ASIC2: variants seen among roughly 807,000 people sequenced by gnomAD.
The protein encoded by ASIC2 is acid-sensing ion channel 2.
In ASIC2, 25 loss-of-function variants were observed where a neutral mutation model predicts 57.3. The observed-to-expected ratio is 0.44, with a 90% CI of 0.32 to 0.61. The LOEUF (loss-of-function observed/expected upper bound fraction) is 0.61. Among genes scored for constraint, ASIC2 ranks in the 20% least tolerant of loss-of-function variants. The pLI is 0.06. For synonymous variants in ASIC2, 319 were observed against 307.5 expected (o/e 1.04, Z -0.39); for missense variants, 641 against 738.1 (o/e 0.87, Z 1.52).
chr17:34,048,400 G>T (rs907630926), intron 1 of ASIC2, among the ~76,000 whole-genome samples: 1 of 152,076 alleles, frequency 6.6e-6, no homozygotes, highest in Non-Finnish European at 1.5e-5. Context: ...AGTTGAACTC[G>T]GTAGCTTGCA....
At chr17:33,589,960 A>G (rs116434092) in intron 1 of ASIC2, among the ~76,000 whole-genome samples, 1 of 152,218 alleles carries the variant, frequency 6.6e-6, no homozygotes, top group Admixed American at 6.5e-5. Context: ...AAGCAAACAC[A>G]CAGTAGATTA....
chr17:33,691,698 G>A (rs1237017451), intron 1 of ASIC2, among the ~76,000 whole-genome samples: 1 of 151,966 alleles, frequency 6.6e-6, no homozygotes, highest in African/African-American at 2.4e-5. Flanking sequence ...TTTGTTCTAT[G>A]CAGAAATTGG....
chr17:33,978,211 T>G (rs1354113958), intron 1 of ASIC2, among the ~76,000 whole-genome samples: 1 of 152,190 alleles, frequency 6.6e-6, no homozygotes, highest in Non-Finnish European at 1.5e-5. Flanking sequence ...ATTATCACAC[T>G]CAGGCCCTAG....
rs1487709187 is a variant in ASIC2, at chr17:33,053,463, T to G, written c.988-25071A>C. Reference sequence around the variant, plus strand: ...GGCCCCTTTTCCTTCTCCCTTAGCCTCCACTGGAGGTGTGAAAAGGACCTA... The same window carrying G: ...GGCCCCTTTTCCTTCTCCCTTAGCCGCCACTGGAGGTGTGAAAAGGACCTA... On this transcript the variant is annotated intron_variant, in intron 3 of 9. Transcript: ENST00000225823. Among the ~76,000 whole-genome samples the G allele has an allele frequency of 4.9e-4, 74 of 152,182 alleles. 1 individual carries two copies. Among genetic ancestry groups the G allele is most frequent in the Admixed American group, 4.8e-3 (73 of 15,276 alleles).
chr17:33,791,427 C>T (rs16968898), intron 1 of ASIC2, among the ~76,000 whole-genome samples: 6,448 of 152,256 alleles, frequency 0.042, 173 homozygotes, highest in Middle Eastern at 0.092. Context: ...GTAGAAGTCT[C>T]GCCATGACCC....
chr17:33,060,194 TG>T (rs1291113186), intron 3 of ASIC2, among the ~76,000 whole-genome samples: 1 of 152,248 alleles, frequency 6.6e-6, no homozygotes, highest in Non-Finnish European at 1.5e-5. Context: ...TTTTGGCTTT[TG>T]TAGCCATTGC....
chr17:33,679,533 T>C (rs1301995724), intron 1 of ASIC2, among the ~76,000 whole-genome samples: 1 of 152,176 alleles, frequency 6.6e-6, no homozygotes, highest in East Asian at 1.9e-4. Context: ...AGTCACAGGC[T>C]TGCACTCATA....
chr17:33,132,832 T>C (rs1382405507), intron 1 of ASIC2, among the ~76,000 whole-genome samples: 2 of 152,244 alleles, frequency 1.3e-5, no homozygotes, highest in Non-Finnish European at 2.9e-5. Context: ...TGCTTTTCTA[T>C]GTGCATGGAG....
At chr17:34,034,965 C>G (rs949475063) in intron 1 of ASIC2, among the ~76,000 whole-genome samples, 1 of 151,896 alleles carries the variant, frequency 6.6e-6, no homozygotes, top group African/African-American at 2.4e-5. Flanking sequence ...TCAATGCCAT[C>G]CCCATCAAGC....
At chr17:33,799,373 TCTTC>T (rs1555562443) in intron 1 of ASIC2, among the ~76,000 whole-genome samples, 1,578 of 112,968 alleles carry the variant, frequency 0.014, 41 homozygotes, top group African/African-American at 0.043. Flanking sequence ...TTTCTTTCTT[TCTTC>T]CTTTCTTTCT....
rs113635129 is a variant in ASIC2 at position 33,613,246 on chromosome 17, A to T, written c.556-501179T>A. On this transcript the variant is annotated intron_variant, in intron 1 of 9. Transcript: ENST00000359872. ...GTGGTAGAACCTTCAAATAAAATAG[A>T]TATACAAAAGGAAAATAAGATTTTC... Among the ~76,000 whole-genome samples, 1,122 of 152,244 alleles carry T rather than the reference A, an allele frequency of 7.4e-3. 17 individuals are homozygous for T. Among genetic ancestry groups the T allele is most frequent in the African/African-American group, 0.026 (1,073 of 41,536 alleles).
At chr17:33,133,486 C>T (rs1003520886) in intron 1 of ASIC2, among the ~76,000 whole-genome samples, 3 of 152,170 alleles carry the variant, frequency 2.0e-5, no homozygotes, top group Non-Finnish European at 4.4e-5. Flanking sequence ...TGTATGTAAT[C>T]CCCAGAGTTG....
intron 3 of ASIC2, among the ~76,000 whole-genome samples, chr17:33,045,129 C>T (rs1339776610): frequency 6.6e-6 from 1 of 152,086 alleles, no homozygotes; most frequent in African/African-American, 2.4e-5. Flanking sequence ...CAGCTGAGGG[C>T]CTGAACAGTT....
chr17:33,283,715 G>A (rs1293619656), intron 1 of ASIC2, among the ~76,000 whole-genome samples: 1 of 152,146 alleles, frequency 6.6e-6, no homozygotes, highest in Non-Finnish European at 1.5e-5. Context: ...AGTGACCTCA[G>A]GCAAGTCACT....
intron 1 of ASIC2, among the ~76,000 whole-genome samples, chr17:33,857,414 C>T (rs1234804442): frequency 2.6e-5 from 4 of 152,118 alleles, no homozygotes; most frequent in Non-Finnish European, 4.4e-5. Flanking sequence ...GAACATTCTG[C>T]CCTGCCTTTT....
intron 1 of ASIC2, among the ~76,000 whole-genome samples, chr17:34,097,059 C>T (rs1209135162): frequency 6.6e-6 from 1 of 151,932 alleles, no homozygotes; most frequent in Non-Finnish European, 1.5e-5. Flanking sequence ...ATAATACTCT[C>T]TAAGCACACA....
intron 1 of ASIC2, among the ~76,000 whole-genome samples, chr17:33,426,978 G>A (rs1047665197): frequency 6.6e-6 from 1 of 152,220 alleles, no homozygotes; most frequent in Non-Finnish European, 1.5e-5. Context: ...CAGAGGAAGA[G>A]CTCTTTCAAA....
chr17:33,297,956 C>CTT (rs35388631), upstream of ASIC2, among the ~76,000 whole-genome samples: 1 of 136,818 alleles, frequency 7.3e-6, no homozygotes, highest in African/African-American at 2.7e-5. Context: ...CTTTCTCTGC[C>CTT]TTTTTTTTTT....
chr17:34,099,220 A>AG lies in ASIC2; in HGVS notation c.555+56757_555+56758insC, dbSNP rs1184119762. On this transcript the variant is annotated intron_variant, in intron 1 of 9. Coordinates refer to the ASIC2 transcript ENST00000359872. Reference sequence around the variant, plus strand: ...AGAAAGAAAGAAAGAAAGGAAAGAAAAGAAAGAAAAAAGAAAGAGAGAAAG... The same window carrying AG: ...AGAAAGAAAGAAAGAAAGGAAAGAAAGAGAAAGAAAAAAGAAAGAGAGAAAG... Among the ~76,000 whole-genome samples, 332 of 102,396 alleles carry AG rather than the reference A, an allele frequency of 3.2e-3. 10 individuals are homozygous for AG. Among genetic ancestry groups the AG allele is most frequent in the African/African-American group, 6.3e-3 (106 of 16,958 alleles). The allele number at this position is 102,396 out of a possible 152,430, so 67.2% of individuals were successfully genotyped here.
Sources: allele counts gnomAD v4.1 joint callset (sites outside exome capture counted in the v4.1 genomes callset), GRCh38; gene constraint gnomAD v4.1.1; transcripts MANE v1.5; gene names NCBI Gene and HGNC (gene_info 2026-07-23, HGNC 2026-07-21).